OR6N1: variants seen among roughly 807,000 people sequenced by gnomAD.
OR6N1 encodes olfactory receptor 6N1.
For synonymous variants in OR6N1, 170 were observed against 150.7 expected, an observed-to-expected ratio of 1.13 and a Z score of -0.94; for missense variants, 394 against 371.7, an observed-to-expected ratio of 1.06 and a Z score of -0.49.
At chr1:158,833,951 T>C in the OR6N1 span, among the ~76,000 whole-genome samples, 3 of 152,216 alleles carry the variant, frequency 2.0e-5, no homozygotes, top group Non-Finnish European at 4.4e-5. Context: ...ATCTGAACCA[T>C]TTTACATTCC....
At chr1:158,767,628 A>G (rs1657310046) in intron 1 of OR6N1, among the ~76,000 whole-genome samples, 2 of 152,238 alleles carry the variant, frequency 1.3e-5, no homozygotes, top group Non-Finnish European at 2.9e-5. Flanking sequence ...TAGAGAAACA[A>G]CTAACTATTA....
the OR6N1 span, among the ~76,000 whole-genome samples, chr1:158,815,425 G>A: frequency 2.6e-5 from 4 of 152,158 alleles, no homozygotes; most frequent in African/African-American, 7.2e-5. Flanking sequence ...AACAGGTTGA[G>A]ATGACTGCAA....
the OR6N1 span, among the ~76,000 whole-genome samples, chr1:158,799,509 T>G: frequency 2.0e-5 from 3 of 152,308 alleles, no homozygotes; most frequent in East Asian, 5.8e-4. Flanking sequence ...GAAAACTCAG[T>G]CAACATGATT....
At chr1:158,798,211 T>G in the OR6N1 span, among the ~76,000 whole-genome samples, 1 of 151,766 alleles carries the variant, frequency 6.6e-6, no homozygotes, top group East Asian at 1.9e-4. Flanking sequence ...TTTTTATTAG[T>G]ATATCATTTT....
chr1:158,801,411 T>C, the OR6N1 span, among the ~76,000 whole-genome samples: 167 of 152,016 alleles, frequency 1.1e-3, no homozygotes, highest in East Asian at 0.023. Flanking sequence ...GAAGAATCAA[T>C]GAACAGACAA....
chr1:158,821,220 C>G, the OR6N1 span, among the ~76,000 whole-genome samples: 1 of 151,986 alleles, frequency 6.6e-6, no homozygotes, highest in African/African-American at 2.4e-5. Context: ...TTCTATATGC[C>G]CCTCACCCCA....
rs1657204358 is a variant in OR6N1 at position 158,764,928 on chromosome 1, A to G, written c.*816T>C. 1 of 152,086 alleles carries G rather than the reference A, an allele frequency of 6.6e-6. No homozygotes were observed. The highest frequency in any genetic ancestry group is 1.5e-5 in the Non-Finnish European group (1 of 67,986). The allele number at this position is 152,086 out of a possible 1,614,324, so 9.4% of individuals were successfully genotyped here. ...CTTTTCAAGTATAGTATACTTGTAT[A>G]CTATACAAGTATTCCTTCTGGCTGG... is the stretch of plus-strand genomic sequence containing the variant. On this transcript the variant is annotated 3_prime_UTR_variant, in exon 2 of 2. Transcript: ENST00000641846.
the OR6N1 span, among the ~76,000 whole-genome samples, chr1:158,794,707 A>G: frequency 6.6e-6 from 1 of 152,122 alleles, no homozygotes; most frequent in East Asian, 1.9e-4. Flanking sequence ...TAGATTCAAG[A>G]CCTCTTGGCT....
chr1:158,797,292 A>C, the OR6N1 span, among the ~76,000 whole-genome samples: 1 of 152,200 alleles, frequency 6.6e-6, no homozygotes, highest in Non-Finnish European at 1.5e-5. Flanking sequence ...CTGGCTGTCC[A>C]TCTTGAACTT....
At chr1:158,824,553 T>C in the OR6N1 span, among the ~76,000 whole-genome samples, 16 of 152,230 alleles carry the variant, frequency 1.1e-4, no homozygotes, top group Admixed American at 7.2e-4. Context: ...GGGTGGAAAG[T>C]TATGTAGATT....
chr1:158,813,840 C>T, the OR6N1 span, among the ~76,000 whole-genome samples: 1 of 151,748 alleles, frequency 6.6e-6, no homozygotes, highest in African/African-American at 2.4e-5. Flanking sequence ...GGACTATAGG[C>T]ATGTGCTCCA....
the OR6N1 span, among the ~76,000 whole-genome samples, chr1:158,787,449 G>A: frequency 1.8e-4 from 28 of 152,162 alleles, no homozygotes; most frequent in Admixed American, 8.5e-4. Flanking sequence ...CACAAATGTA[G>A]CCATCAGCAA....
chr1:158,771,538 T>C (rs893921533), intron 1 of OR6N1, among the ~76,000 whole-genome samples: 1 of 152,236 alleles, frequency 6.6e-6, no homozygotes, highest in Non-Finnish European at 1.5e-5. Context: ...CTTAGGTCCA[T>C]TGAAATCATA....
chr1:158,788,162 T>A, the OR6N1 span, among the ~76,000 whole-genome samples: 1 of 152,224 alleles, frequency 6.6e-6, no homozygotes, highest in Non-Finnish European at 1.5e-5. Flanking sequence ...TTGATTATTG[T>A]TAATAGAAGA....
At chr1:158,783,796 T>A in the OR6N1 span, among the ~76,000 whole-genome samples, 779 of 152,270 alleles carry the variant, frequency 5.1e-3, 34 homozygotes, top group Admixed American at 0.048. Context: ...TAACTATTTG[T>A]TGAATGCATT....
At chr1:158,816,840 C>T in the OR6N1 span, among the ~76,000 whole-genome samples, 1 of 152,184 alleles carries the variant, frequency 6.6e-6, no homozygotes, top group Non-Finnish European at 1.5e-5. Flanking sequence ...CTTTAAGAAG[C>T]GTTGTAATCA....
At chr1:158,784,734 G>A in the OR6N1 span, among the ~76,000 whole-genome samples, 1 of 151,980 alleles carries the variant, frequency 6.6e-6, no homozygotes, top group Non-Finnish European at 1.5e-5. Context: ...CATTCATGTT[G>A]CCACAAATAA....
At chr1:158,778,367 G>A in the OR6N1 span, among the ~76,000 whole-genome samples, 1 of 152,168 alleles carries the variant, frequency 6.6e-6, no homozygotes, top group African/African-American at 2.4e-5. Context: ...GAGGAAGCCC[G>A]TAAGATGAAT....
the OR6N1 span, among the ~76,000 whole-genome samples, chr1:158,783,933 G>C: frequency 0.32 from 48,406 of 151,786 alleles, 7,989 homozygotes; most frequent in South Asian, 0.57. Flanking sequence ...GGTGAAAACC[G>C]GTCTCTACTA....
Sources: allele counts gnomAD v4.1 joint callset (sites outside exome capture counted in the v4.1 genomes callset), GRCh38; gene constraint gnomAD v4.1.1; transcripts MANE v1.5; gene names NCBI Gene and HGNC (gene_info 2026-07-23, HGNC 2026-07-21).